The following CRPPA variants were observed in gnomAD, a reference collection of about 807,000 sequenced individuals.
CRPPA encodes the protein D-ribitol-5-phosphate cytidylyltransferase.
In CRPPA, 43 loss-of-function variants were observed where a neutral mutation model predicts 52.0. The ratio of observed to expected loss-of-function variants is 0.83; its 90% CI spans 0.65 to 1.07. The LOEUF is 1.07. Ranked by LOEUF, CRPPA falls within the 50% of genes least tolerant of loss-of-function variation. The pLI is 0.00. For synonymous variants in CRPPA, 250 were observed against 203.5 expected (o/e 1.23, Z -1.94); for missense variants, 629 against 551.7 (o/e 1.14, Z -1.40).
At chr7:16,413,423 C>A (rs1788117694) in intron 1 of CRPPA, among the ~76,000 whole-genome samples, 1 of 152,164 alleles carries the variant, frequency 6.6e-6, no homozygotes, top group Admixed American at 6.5e-5. Context: ...ATTAAGGAAG[C>A]CTTGAGACAA....
At chr7:16,147,729 C>G (rs1200772777) in intron 9 of CRPPA, among the ~76,000 whole-genome samples, 1 of 152,156 alleles carries the variant, frequency 6.6e-6, no homozygotes. Context: ...TGGATTCAAA[C>G]AATATTTGTT....
At chr7:16,183,975 T>A (rs1479414433) in intron 9 of CRPPA, among the ~76,000 whole-genome samples, 1 of 152,154 alleles carries the variant, frequency 6.6e-6, no homozygotes, top group Non-Finnish European at 1.5e-5. Context: ...AGAGTTTTGC[T>A]CTGTCATCCA....
chr7:16,221,669 T>C lies in CRPPA; in HGVS notation c.1120-5472A>G, dbSNP rs1782510947. The stretch of plus-strand genomic sequence containing the variant: ...CAGACACTTCTCAAAAGAAGACATT[T>C]ATGCAGCCAAAAAACACATGAAAAA... On this transcript the variant is annotated intron_variant, in intron 8 of 9. Transcript: ENST00000407010. Among the ~76,000 whole-genome samples the C allele has an allele frequency of 2.6e-5, 4 of 152,096 alleles. No individual in the cohort carries two copies. The East Asian group carries it at 5.8e-4, about 22-fold the overall frequency.
At chr7:16,277,854 T>C (rs1442170863) in intron 6 of CRPPA, among the ~76,000 whole-genome samples, 3 of 152,098 alleles carry the variant, frequency 2.0e-5, no homozygotes, top group Admixed American at 2.0e-4. Flanking sequence ...TTAAGACAAG[T>C]CTCAGCCTTA....
intron 9 of CRPPA, among the ~76,000 whole-genome samples, chr7:16,110,487 A>T (rs1782238772): frequency 6.6e-6 from 1 of 152,154 alleles, no homozygotes; most frequent in Admixed American, 6.6e-5. Context: ...GAAAAGAGCC[A>T]AGCTGAAGGC....
At chr7:16,399,726 CAT>C (rs201435833) in intron 2 of CRPPA, among the ~76,000 whole-genome samples, 2,362 of 151,938 alleles carry the variant, frequency 0.016, 58 homozygotes, top group African/African-American at 0.049. Flanking sequence ...ACATGACTGA[CAT>C]ATGATTGACA....
chr7:16,290,894 G>A (rs1784550712), intron 5 of CRPPA, among the ~76,000 whole-genome samples: 1 of 151,864 alleles, frequency 6.6e-6, no homozygotes, highest in Non-Finnish European at 1.5e-5. Context: ...CATTCAACAA[G>A]GTACTAATAT....
intron 8 of CRPPA, among the ~76,000 whole-genome samples, chr7:16,235,397 A>T (rs539707643): frequency 6.6e-6 from 1 of 152,204 alleles, no homozygotes; most frequent in Non-Finnish European, 1.5e-5. Context: ...TGCAGGATAA[A>T]GGTACTAATA....
At chr7:16,215,940 T>G in intron 9 of CRPPA, 126 bp downstream of exon 9, 1 of 726,644 alleles carries the variant, frequency 1.4e-6, no homozygotes, top group Non-Finnish European at 2.2e-6. Context: ...AGCACACACA[T>G]AGATGAGTAA....
intron 8 of CRPPA, among the ~76,000 whole-genome samples, chr7:16,236,906 C>A (rs1193012546): frequency 2.0e-5 from 3 of 151,822 alleles, no homozygotes; most frequent in Non-Finnish European, 4.4e-5. Context: ...ACAAAGGAGT[C>A]TAACTTGCCT....
At chr7:16,206,898 G>C (rs1781987311) in intron 9 of CRPPA, among the ~76,000 whole-genome samples, 1 of 152,082 alleles carries the variant, frequency 6.6e-6, no homozygotes, top group Non-Finnish European at 1.5e-5. Context: ...TTCAGTAAGA[G>C]GAAGTTTGAA....
chr7:16,347,615 T>C (rs931789736), intron 3 of CRPPA, among the ~76,000 whole-genome samples: 1 of 152,086 alleles, frequency 6.6e-6, no homozygotes, highest in Non-Finnish European at 1.5e-5. Context: ...ACCCAGTGAA[T>C]AGACATCTAC....
intron 9 of CRPPA, among the ~76,000 whole-genome samples, chr7:16,107,190 A>G (rs1398723549): frequency 1.3e-5 from 2 of 152,122 alleles, no homozygotes; most frequent in African/African-American, 4.8e-5. Context: ...AAGGGCCAAA[A>G]AAAAACAAAA....
chr7:16,142,582 G>A (rs1387272847), intron 9 of CRPPA, among the ~76,000 whole-genome samples: 4 of 152,144 alleles, frequency 2.6e-5, no homozygotes, highest in Non-Finnish European at 5.9e-5. Context: ...ACTTCTTTAA[G>A]TAAAATCTGT....
At chr7:16,136,523 G>A (rs1782765253) in intron 9 of CRPPA, among the ~76,000 whole-genome samples, 1 of 152,182 alleles carries the variant, frequency 6.6e-6, no homozygotes, top group Non-Finnish European at 1.5e-5. Context: ...GTTCAAGAAG[G>A]ACCCAATTAC....
At chr7:16,233,697 T>C (rs1782867929) in intron 8 of CRPPA, among the ~76,000 whole-genome samples, 1 of 152,170 alleles carries the variant, frequency 6.6e-6, no homozygotes, top group Admixed American at 6.5e-5. Flanking sequence ...AGCATCTGTT[T>C]GGCACATGCT....
At chr7:16,283,621 G>T (rs1784364017) in intron 5 of CRPPA, among the ~76,000 whole-genome samples, 1 of 151,406 alleles carries the variant, frequency 6.6e-6, no homozygotes, top group Non-Finnish European at 1.5e-5. Context: ...TACCTGAAAT[G>T]GAATAATTTT....
At chr7:16,188,078 G>A (rs997084440) in intron 9 of CRPPA, among the ~76,000 whole-genome samples, 1 of 130,046 alleles carries the variant, frequency 7.7e-6, no homozygotes, top group Middle Eastern at 6.0e-3. Flanking sequence ...ACGGAGTCCT[G>A]TTCTGTCACC....
intron 9 of CRPPA, among the ~76,000 whole-genome samples, chr7:16,204,211 T>C (rs139384375): frequency 2.0e-3 from 312 of 152,278 alleles, no homozygotes; most frequent in African/African-American, 7.0e-3. Flanking sequence ...CACACTTCCA[T>C]CTACAATGTC....
Sources: allele counts gnomAD v4.1 joint callset (sites outside exome capture counted in the v4.1 genomes callset), GRCh38; gene constraint gnomAD v4.1.1; transcripts MANE v1.5; gene names NCBI Gene and HGNC (gene_info 2026-07-23, HGNC 2026-07-21).